Variants in KAZN observed in about 807,000 individuals in gnomAD.
The protein encoded by KAZN is kazrin.
Under a neutral mutation model 87.4 loss-of-function variants are expected in KAZN, and 40 were observed. The observed-to-expected ratio is 0.46, with a 90% CI of 0.36 to 0.60. KAZN has a LOEUF of 0.60. Among genes scored for constraint, KAZN ranks in the 20% least tolerant of loss-of-function variants. KAZN has a pLI of 0.00. For synonymous variants in KAZN, 466 were observed against 458.3 expected (o/e 1.02, Z -0.22); for missense variants, 898 against 1,073.9 (o/e 0.84, Z 2.29).
chr1:14,146,386 A>C (rs868365337), intron 1 of KAZN, among the ~76,000 whole-genome samples: 1 of 151,734 alleles, frequency 6.6e-6, no homozygotes, highest in Non-Finnish European at 1.5e-5. Context: ...AATACAAAAA[A>C]TTAGCTGGGC....
At chr1:14,873,698 G>A (rs571205449) in intron 1 of KAZN, among the ~76,000 whole-genome samples, 1 of 152,228 alleles carries the variant, frequency 6.6e-6, no homozygotes, top group Non-Finnish European at 1.5e-5. Flanking sequence ...ATATATTTAT[G>A]TTGTGTTGAA....
chr1:14,114,232 A>G (rs1644561151), intron 1 of KAZN, among the ~76,000 whole-genome samples: 1 of 152,118 alleles, frequency 6.6e-6, no homozygotes, highest in Non-Finnish European at 1.5e-5. Flanking sequence ...GGCTACACAG[A>G]CAAGTGCATG....
At chr1:14,263,519 C>A (rs1651240532) in intron 2 of KAZN, among the ~76,000 whole-genome samples, 1 of 152,140 alleles carries the variant, frequency 6.6e-6, no homozygotes, top group African/African-American at 2.4e-5. Flanking sequence ...CAACCCTGAG[C>A]TTCTCTTGTC....
chr1:14,493,707 T>C (rs1196492460), intron 2 of KAZN, among the ~76,000 whole-genome samples: 1 of 152,220 alleles, frequency 6.6e-6, no homozygotes, highest in Non-Finnish European at 1.5e-5. Context: ...TGAAGATGTC[T>C]TATTTCTTAT....
At position 15,115,869 on chromosome 1, in the gene KAZN, G is replaced by A. The variant is rs1032089552; in HGVS notation, c.*1234G>A. On this transcript the variant is annotated 3_prime_UTR_variant, in exon 15 of 15. Transcript: ENST00000376030. The surrounding 1 kb of genome is among the most constrained non-coding windows in gnomAD (Gnocchi z 4.1). Reference sequence around the variant, plus strand: ...GTAACCTCTCAGGAGACAATGGGAAGTTATGGGGTAGCTAATTTCCCATTT... The same window carrying A: ...GTAACCTCTCAGGAGACAATGGGAAATTATGGGGTAGCTAATTTCCCATTT... 4 of 152,214 alleles carry A rather than the reference G, an allele frequency of 2.6e-5. No homozygotes were observed. The highest frequency in any genetic ancestry group is 9.7e-5 in the African/African-American group (4 of 41,438). 9.4% of individuals were successfully genotyped at this position (152,214 alleles called of 1,614,324 possible).
At chr1:14,100,806 T>C (rs1432062744) in intron 1 of KAZN, among the ~76,000 whole-genome samples, 1 of 152,192 alleles carries the variant, frequency 6.6e-6, no homozygotes, top group East Asian at 1.9e-4. Context: ...CCAAATCTCA[T>C]CTTGAATTCC....
At chr1:14,447,220 T>C (rs1236962992) in intron 2 of KAZN, among the ~76,000 whole-genome samples, 2 of 141,720 alleles carry the variant, frequency 1.4e-5, no homozygotes, top group Non-Finnish European at 3.0e-5. Context: ...TTATTATTAT[T>C]ATTATTATTA....
intron 2 of KAZN, among the ~76,000 whole-genome samples, chr1:14,262,468 T>G (rs12077532): frequency 0.21 from 32,442 of 152,148 alleles, 3,692 homozygotes; most frequent in Middle Eastern, 0.35. Context: ...TTTCTACATG[T>G]TGCTGGTCAT....
chr1:14,862,408 T>G (rs1483134366), intron 1 of KAZN, among the ~76,000 whole-genome samples: 2 of 152,038 alleles, frequency 1.3e-5, no homozygotes, highest in Non-Finnish European at 2.9e-5. Flanking sequence ...CTACAGGAGT[T>G]TCCCATCCCA....
intron 2 of KAZN, among the ~76,000 whole-genome samples, chr1:14,362,013 G>A (rs1659557571): frequency 6.6e-6 from 1 of 152,194 alleles, no homozygotes; most frequent in South Asian, 2.1e-4. Context: ...TAGCCAGGGG[G>A]TCAATGGCAC....
intron 1 of KAZN, among the ~76,000 whole-genome samples, chr1:14,753,864 C>G (rs2100505642): frequency 6.6e-6 from 1 of 152,226 alleles, no homozygotes; most frequent in East Asian, 1.9e-4. Flanking sequence ...GATGAAGACT[C>G]CAGCAGATTC....
intron 2 of KAZN, among the ~76,000 whole-genome samples, chr1:14,426,173 T>C (rs1665715745): frequency 6.6e-6 from 1 of 152,216 alleles, no homozygotes; most frequent in Admixed American, 6.5e-5. Flanking sequence ...TTCATGGTTT[T>C]GCATCTTCTG....
intron 1 of KAZN, among the ~76,000 whole-genome samples, chr1:14,750,057 T>A (rs900102718): frequency 6.6e-6 from 1 of 152,174 alleles, no homozygotes; most frequent in Non-Finnish European, 1.5e-5. Flanking sequence ...ACATCTGAGA[T>A]ACTCCACCAA....
At chr1:15,114,376 A>G in intron 14 of KAZN, 95 bp from the exon 15 acceptor site, 1 of 1,009,846 alleles carries the variant, frequency 9.9e-7, no homozygotes, top group Middle Eastern at 2.3e-4. Context: ...TTACTCAATC[A>G]CAGAGCAATT....
exon 1 of KAZN, chr1:13,893,681 G>C: frequency 6.5e-7 from 1 of 1,550,338 alleles, no homozygotes. Flanking sequence ...ATCCACGCTG[G>C]CGACATCCAA....
intron 1 of KAZN, among the ~76,000 whole-genome samples, chr1:14,133,610 C>T (rs1294627315): frequency 6.6e-6 from 1 of 152,068 alleles, no homozygotes; most frequent in Admixed American, 6.6e-5. Flanking sequence ...CACTTCTGTG[C>T]TCAGTGTGGT....
chr1:14,997,136 C>G (rs1391951578), intron 2 of KAZN, among the ~76,000 whole-genome samples: 1 of 152,158 alleles, frequency 6.6e-6, no homozygotes, highest in East Asian at 1.9e-4. Context: ...CCTGCATCCC[C>G]TCCCCTCCAG....
At chr1:14,532,047 G>A (rs1296014352) in intron 2 of KAZN, among the ~76,000 whole-genome samples, 1 of 151,974 alleles carries the variant, frequency 6.6e-6, no homozygotes, top group Non-Finnish European at 1.5e-5. Flanking sequence ...ATGGATTCCC[G>A]GCTTAAGACA....
At chr1:14,240,233 C>T (rs1648816376) in intron 2 of KAZN, among the ~76,000 whole-genome samples, 1 of 152,204 alleles carries the variant, frequency 6.6e-6, no homozygotes. Context: ...ACTATATCAG[C>T]AGATAAAAGG....
Sources: gnomAD v4.1 joint callset for allele counts (sites outside exome capture counted in the v4.1 genomes callset) on GRCh38, gnomAD v4.1.1 for gene constraint, Gnocchi (gnomAD v3.1) non-coding constraint, MANE v1.5 for transcripts, NCBI Gene and HGNC (gene_info 2026-07-23, HGNC 2026-07-21) for gene names.